SLAIN1: variants seen among roughly 807,000 people sequenced by gnomAD.
SLAIN1 encodes SLAIN family member 1.
In SLAIN1, 17 loss-of-function variants were observed where a neutral mutation model predicts 55.4. That is an observed-to-expected ratio of 0.31 (90% confidence interval 0.21 to 0.46). SLAIN1 has a LOEUF of 0.46. Ranked by LOEUF, SLAIN1 falls within the 20% of genes least tolerant of loss-of-function variation. The pLI is 1.00. For missense variants in SLAIN1, 682 were observed against 785.1 expected (o/e 0.87, Z 1.57); for synonymous variants, 348 against 337.4 (o/e 1.03, Z -0.35).
intron 4 of SLAIN1, among the ~76,000 whole-genome samples, chr13:77,749,643 T>C (rs1874072427): frequency 6.6e-6 from 1 of 152,174 alleles, no homozygotes; most frequent in South Asian, 2.1e-4. Flanking sequence ...CCCTTGAAGA[T>C]TAAACTGCTG....
intron 2 of SLAIN1, among the ~76,000 whole-genome samples, chr13:77,734,751 G>C (rs1043173731): frequency 2.0e-5 from 3 of 152,126 alleles, no homozygotes; most frequent in Admixed American, 6.6e-5. Context: ...GCTGGGCGGT[G>C]GCTCACACTT....
intron 5 of SLAIN1, among the ~76,000 whole-genome samples, chr13:77,757,778 G>A (rs1874711333): frequency 6.6e-6 from 1 of 152,044 alleles, no homozygotes; most frequent in Admixed American, 6.6e-5. Context: ...CTTTTTATGG[G>A]TGAGTAGTAT....
chr13:77,726,644 T>C (rs1455631491), intron 2 of SLAIN1, among the ~76,000 whole-genome samples: 1 of 152,100 alleles, frequency 6.6e-6, no homozygotes, highest in Non-Finnish European at 1.5e-5. Flanking sequence ...GATATTGAAC[T>C]CCTGGGCTCA....
At chr13:77,730,158 G>C (rs968927634) in intron 2 of SLAIN1, among the ~76,000 whole-genome samples, 1 of 152,124 alleles carries the variant, frequency 6.6e-6, no homozygotes, top group African/African-American at 2.4e-5. Flanking sequence ...AATGAAACTA[G>C]AAACTAGACA....
At chr13:77,720,569 T>C (rs1008291520) in intron 2 of SLAIN1, among the ~76,000 whole-genome samples, 3 of 152,224 alleles carry the variant, frequency 2.0e-5, no homozygotes, top group Non-Finnish European at 2.9e-5. Context: ...AGATAATGCT[T>C]CAAGAGCTCT....
chr13:77,725,098 T>C (rs1349222054), intron 2 of SLAIN1, among the ~76,000 whole-genome samples: 2 of 152,218 alleles, frequency 1.3e-5, no homozygotes, highest in Non-Finnish European at 2.9e-5. Context: ...TAACTATTAC[T>C]ACTGTTTCAG....
At chr13:77,713,377 C>T (rs539484389) in intron 1 of SLAIN1, among the ~76,000 whole-genome samples, 1 of 152,266 alleles carries the variant, frequency 6.6e-6, no homozygotes, top group African/African-American at 2.4e-5. Flanking sequence ...TGAACAGACA[C>T]TTCTCAACAG....
At chr13:77,760,765 A>G (rs753435863) in intron 5 of SLAIN1, 63 bp from the exon 6 acceptor site, 1 of 1,554,834 alleles carries the variant, frequency 6.4e-7, no homozygotes, top group East Asian at 2.3e-5. Flanking sequence ...TGAAAATAAC[A>G]CACATTTCCT....
intron 2 of SLAIN1, among the ~76,000 whole-genome samples, chr13:77,719,950 A>G (rs1013409099): frequency 2.0e-5 from 3 of 151,990 alleles, no homozygotes; most frequent in East Asian, 1.9e-4. Flanking sequence ...TTGCAAATAT[A>G]CCAGTCAAAA....
At chr13:77,736,524 G>GC in intron 2 of SLAIN1, among the ~76,000 whole-genome samples, 1 of 152,014 alleles carries the variant, frequency 6.6e-6, no homozygotes, top group East Asian at 1.9e-4. Flanking sequence ...TCAAGCTACA[G>GC]CCCCCCTCTT....
intron 1 of SLAIN1, chr13:77,699,057 G>A (rs2091004244): frequency 2.6e-6 from 4 of 1,532,698 alleles, no homozygotes; most frequent in Non-Finnish European, 2.6e-6. Flanking sequence ...TTTATAGAGA[G>A]GTTCGTTCTT....
chr13:77,724,516 T>G (rs1175757717), intron 2 of SLAIN1, among the ~76,000 whole-genome samples: 7 of 152,188 alleles, frequency 4.6e-5, no homozygotes, highest in Admixed American at 3.9e-4. Context: ...TAACTCTTAC[T>G]GTAGTGTGGT....
chr13:77,714,502 A>C (rs911545350), intron 1 of SLAIN1, among the ~76,000 whole-genome samples: 3 of 152,074 alleles, frequency 2.0e-5, no homozygotes, highest in Admixed American at 6.6e-5. Context: ...GATCCTAGCA[A>C]CTCAGGAGGC....
intron 3 of SLAIN1, among the ~76,000 whole-genome samples, chr13:77,745,510 C>T (rs945580905): frequency 1.3e-5 from 2 of 151,904 alleles, no homozygotes; most frequent in African/African-American, 4.8e-5. Context: ...ACTGGTTCTG[C>T]GATAAAGTTA....
intron 3 of SLAIN1, 153 bp downstream of exon 3, chr13:77,744,585 T>C: frequency 4.4e-6 from 5 of 1,140,178 alleles, no homozygotes; most frequent in Non-Finnish European, 6.3e-6. Context: ...AGTTATATGC[T>C]TCTCACACTA....
chr13:77,699,217 T>C, intron 1 of SLAIN1: 1 of 536,540 alleles, frequency 1.9e-6, no homozygotes, highest in Non-Finnish European at 3.2e-6. Context: ...TGGAGTGGAA[T>C]GAACAGGTGG....
intron 2 of SLAIN1, among the ~76,000 whole-genome samples, chr13:77,722,594 A>G (rs1272913798): frequency 6.6e-6 from 1 of 152,098 alleles, no homozygotes; most frequent in Non-Finnish European, 1.5e-5. Flanking sequence ...TTGACTTTGG[A>G]TGGTGAAGAT....
intron 2 of SLAIN1, among the ~76,000 whole-genome samples, chr13:77,736,365 C>G (rs1423713727): frequency 6.6e-6 from 1 of 152,044 alleles, no homozygotes; most frequent in Admixed American, 6.6e-5. Context: ...CAAGGCTGTT[C>G]CCCCTAGCTA....
intron 1 of SLAIN1, 75 bp from the exon 2 acceptor site, chr13:77,719,457 C>A: frequency 9.8e-7 from 1 of 1,025,364 alleles, no homozygotes; most frequent in Non-Finnish European, 1.4e-6. Flanking sequence ...TTGTTAAATA[C>A]ATGTTGCTTT....
Sources: allele counts gnomAD v4.1 joint callset (sites outside exome capture counted in the v4.1 genomes callset), GRCh38; gene constraint gnomAD v4.1.1; transcripts MANE v1.5; gene names NCBI Gene and HGNC (gene_info 2026-07-23, HGNC 2026-07-21).